PIP4P2: variants seen among roughly 807,000 people sequenced by gnomAD.
The protein encoded by PIP4P2 is type 2 phosphatidylinositol 4,5-bisphosphate 4-phosphatase.
A neutral mutation model predicts 33.3 loss-of-function variants in PIP4P2; 19 were observed. The ratio of observed to expected loss-of-function variants is 0.57; its 90% CI spans 0.40 to 0.84. The LOEUF (loss-of-function observed/expected upper bound fraction) is 0.84, where lower values mean the gene tolerates loss of function less well. Among genes scored for constraint, PIP4P2 ranks in the 40% least tolerant of loss-of-function variants. The pLI is 0.00. For missense variants in PIP4P2, 270 were observed against 324.7 expected (o/e 0.83, Z 1.29); for synonymous variants, 110 against 111.9 (o/e 0.98, Z 0.11).
At chr8:91,021,758 A>C (rs1812011649) in intron 1 of PIP4P2, among the ~76,000 whole-genome samples, 1 of 152,190 alleles carries the variant, frequency 6.6e-6, no homozygotes, top group Non-Finnish European at 1.5e-5. Context: ...AAAATTTTAC[A>C]CAAGTGATCT....
At chr8:91,007,918 G>C (rs1433272703) in intron 5 of PIP4P2, among the ~76,000 whole-genome samples, 1 of 152,194 alleles carries the variant, frequency 6.6e-6, no homozygotes, top group African/African-American at 2.4e-5. Flanking sequence ...TGGGTACTAA[G>C]TCTCTAATGA....
intron 1 of PIP4P2, among the ~76,000 whole-genome samples, chr8:91,032,066 C>T (rs768191663): frequency 3.3e-5 from 5 of 152,142 alleles, no homozygotes; most frequent in Non-Finnish European, 5.9e-5. Context: ...TGTAAAGTAA[C>T]GATTCCAAGG....
intron 4 of PIP4P2, among the ~76,000 whole-genome samples, chr8:91,014,439 G>T (rs1457175429): frequency 6.6e-6 from 1 of 152,152 alleles, no homozygotes; most frequent in Non-Finnish European, 1.5e-5. Flanking sequence ...TTTGCCATTT[G>T]TAACAACATG....
intron 4 of PIP4P2, among the ~76,000 whole-genome samples, chr8:91,009,095 A>T (rs571538494): frequency 9.9e-5 from 15 of 152,252 alleles, no homozygotes; most frequent in African/African-American, 3.4e-4. Flanking sequence ...GTCTCAGTTC[A>T]CTTCCAACGA....
intron 4 of PIP4P2, among the ~76,000 whole-genome samples, chr8:91,012,837 A>G (rs1422663333): frequency 1.3e-5 from 2 of 152,148 alleles, no homozygotes; most frequent in African/African-American, 4.8e-5. Context: ...TAAATGTACA[A>G]ATTACTTTTT....
At chr8:91,035,330 T>C (rs1395336223) in intron 1 of PIP4P2, among the ~76,000 whole-genome samples, 1 of 152,218 alleles carries the variant, frequency 6.6e-6, no homozygotes, top group Non-Finnish European at 1.5e-5. Context: ...TAGATGGAAA[T>C]AGATAATTCT....
chr8:91,017,375 G>A (rs1182541106), intron 4 of PIP4P2, among the ~76,000 whole-genome samples: 1 of 151,752 alleles, frequency 6.6e-6, no homozygotes, highest in African/African-American at 2.4e-5. Context: ...CTCCAGCCTG[G>A]GCGACGGAGT....
At chr8:91,013,535 T>C (rs1440563457) in intron 4 of PIP4P2, among the ~76,000 whole-genome samples, 5 of 152,200 alleles carry the variant, frequency 3.3e-5, no homozygotes, top group Admixed American at 3.3e-4. Flanking sequence ...CAGTATATAC[T>C]GATTTTTATT....
At position 91,021,346 on chromosome 8, in the gene PIP4P2, T is replaced by C. The variant is rs528647716; in HGVS notation, c.165A>G (p.Val55=). 1.9e-6 allele frequency: 3 copies of C among 1,613,900 alleles called. No homozygotes were observed. The highest frequency in any genetic ancestry group is 1.1e-5 in the South Asian group (1 of 91,074). ...IASPDASGIP[V]INCRVCQSLI... ...GTGATTGGCACACACGGCAGTTTAT[T>C]ACTGGAATACCACTGGCGTCTGGAC... Residue 55 remains valine (V), a synonymous_variant, in exon 2 of 7, where the codon GTA becomes GTG. Coordinates refer to ENST00000285419, the MANE Select transcript of PIP4P2 (RefSeq NM_018710.3).
At chr8:90,999,584 C>T (rs893393970) in intron 5 of PIP4P2, among the ~76,000 whole-genome samples, 4 of 152,036 alleles carry the variant, frequency 2.6e-5, no homozygotes, top group African/African-American at 9.7e-5. Context: ...AAGATGGCCA[C>T]ACTATCTGCA....
At chr8:91,019,709 G>C (rs1219969383) in intron 3 of PIP4P2, among the ~76,000 whole-genome samples, 1 of 151,860 alleles carries the variant, frequency 6.6e-6, no homozygotes, top group Non-Finnish European at 1.5e-5. Context: ...AAGTAACTGG[G>C]AATATAGGTG....
chr8:91,020,251 G>C lies in PIP4P2; in HGVS notation c.268C>G (p.Pro90Ala), dbSNP rs1811988591. The change falls in exon 3 of 7, where the codon CCC (proline) becomes GCC (alanine). Residue 90 changes from proline (P) to alanine (A), a missense_variant. Physicochemically the swap from Pro to Ala is conservative, Grantham distance 27. Coordinates refer to ENST00000285419, the MANE Select transcript of PIP4P2 (RefSeq NM_018710.3). ...CTAACATATTTCTTGCCTGTTGGGG[G>C]GTTTTTGATTGGCTGGATAAGGGAA... ...VCNEATPIKNPPTGKKYVRCP... is the reference protein window; with the variant it reads ...VCNEATPIKNAPTGKKYVRCP... The C allele has an allele frequency of 6.2e-7, 1 of 1,613,626 alleles. No homozygotes were observed. Among genetic ancestry groups the C allele is most frequent in the Non-Finnish European group, 8.5e-7 (1 of 1,179,734 alleles).
intron 4 of PIP4P2, chr8:91,016,658 CAA>C (rs1811919808): frequency 6.6e-6 from 1 of 152,018 alleles, no homozygotes. Context: ...TCTCAGAAAG[CAA>C]AGAGTAGATG....
chr8:91,017,153 TA>T (rs1449644010), intron 4 of PIP4P2, among the ~76,000 whole-genome samples: 15 of 152,334 alleles, frequency 9.8e-5, no homozygotes, highest in Non-Finnish European at 1.9e-4. Flanking sequence ...GGGTAATGTC[TA>T]AAATTGCTTA....
intron 1 of PIP4P2, 164 bp from the exon 2 acceptor site, chr8:91,021,568 C>T (rs1050546630): frequency 1.4e-6 from 1 of 716,408 alleles, no homozygotes; most frequent in Admixed American, 3.0e-5. Context: ...GCACAAACAT[C>T]CATGAGACTC....
At chr8:91,037,119 A>T (rs186663919) in intron 1 of PIP4P2, among the ~76,000 whole-genome samples, 3 of 152,308 alleles carry the variant, frequency 2.0e-5, no homozygotes, top group African/African-American at 7.2e-5. Context: ...ACCTTATTCT[A>T]GAGGTCAAAA....
chr8:91,007,259 A>C (rs1811775736), intron 5 of PIP4P2, among the ~76,000 whole-genome samples: 1 of 152,234 alleles, frequency 6.6e-6, no homozygotes, highest in African/African-American at 2.4e-5. Context: ...GATTAATTTC[A>C]CAAATAAAAA....
chr8:91,004,012 T>TA (rs1277183914), intron 5 of PIP4P2, among the ~76,000 whole-genome samples: 2 of 150,076 alleles, frequency 1.3e-5, no homozygotes, highest in African/African-American at 4.9e-5. Context: ...GATAGATAGA[T>TA]GAAATAGATA....
Position 91,029,736 on chromosome 8 carries a change from C to T in PIP4P2, c.107-8332G>A, listed in dbSNP as rs546746117. ...ATGTAGTGCAAATGCTTTGGGAGACCGAGGCAGGCAGATCACGAGGTCAGG... is the reference window on the plus strand; with the variant it reads ...ATGTAGTGCAAATGCTTTGGGAGACTGAGGCAGGCAGATCACGAGGTCAGG... On this transcript the variant is annotated intron_variant, in intron 1 of 6. Coordinates refer to ENST00000285419, the MANE Select transcript of PIP4P2 (RefSeq NM_018710.3). Among the ~76,000 whole-genome samples the T allele has an allele frequency of 9.9e-4, 151 of 152,068 alleles. 1 individual carries two copies. The highest frequency in any genetic ancestry group is 1.9e-3 in the Non-Finnish European group (127 of 67,966).
Sources: allele counts gnomAD v4.1 joint callset (sites outside exome capture counted in the v4.1 genomes callset), GRCh38; gene constraint gnomAD v4.1.1; transcripts MANE v1.5; gene names NCBI Gene and HGNC (gene_info 2026-07-23, HGNC 2026-07-21).